Variants in SIPA1L3 observed in about 807,000 individuals in gnomAD.
The protein encoded by SIPA1L3 is signal-induced proliferation-associated 1-like protein 3.
In SIPA1L3, 59 loss-of-function variants were observed where a neutral mutation model predicts 150.1. That is an observed-to-expected ratio of 0.39 (90% CI 0.32 to 0.49). The LOEUF (loss-of-function observed/expected upper bound fraction) is 0.49, where lower values mean the gene tolerates loss of function less well. Ranked by LOEUF, SIPA1L3 falls within the 20% of genes least tolerant of loss-of-function variation. The probability of loss-of-function intolerance (pLI) is 0.86; values close to 1 mark genes in which losing one functional copy is unlikely to be tolerated. For missense variants in SIPA1L3, 2,211 were observed against 2,489.5 expected (o/e 0.89, Z 2.38); for synonymous variants, 1,070 against 1,077.6 (o/e 0.99, Z 0.14).
intron 2 of SIPA1L3, among the ~76,000 whole-genome samples, chr19:38,060,951 C>G (rs61672299): frequency 0.17 from 25,262 of 152,238 alleles, 2,576 homozygotes; most frequent in African/African-American, 0.27. Context: ...CTCAGCCTCC[C>G]AGAGTGCTGG....
At chr19:37,981,997 C>G (rs1157695142) in intron 1 of SIPA1L3, among the ~76,000 whole-genome samples, 24 of 152,228 alleles carry the variant, frequency 1.6e-4, no homozygotes, top group Non-Finnish European at 1.5e-5. Flanking sequence ...ATCAGAGAGG[C>G]TGGCTCCAGC....
intron 1 of SIPA1L3, among the ~76,000 whole-genome samples, chr19:37,976,219 G>A (rs562621914): frequency 3.3e-5 from 5 of 152,094 alleles, no homozygotes; most frequent in South Asian, 4.2e-4. Flanking sequence ...TGCCCACGGC[G>A]CCCCAGGGGA....
intron 7 of SIPA1L3, among the ~76,000 whole-genome samples, chr19:38,109,132 A>G (rs1052936487): frequency 2.6e-5 from 4 of 152,202 alleles, no homozygotes; most frequent in Admixed American, 2.6e-4. Flanking sequence ...CCATTTTCAC[A>G]CTGCTAATGA....
chr19:38,202,845 A>G (rs931876305), intron 20 of SIPA1L3, among the ~76,000 whole-genome samples: 1 of 152,170 alleles, frequency 6.6e-6, no homozygotes, highest in Non-Finnish European at 1.5e-5. Context: ...TCACGGGGGA[A>G]GGAAGAGGAC....
chr19:38,110,331 C>A lies in SIPA1L3; in HGVS notation c.2238C>A (p.His746Gln), dbSNP rs754538272. Residue 746 changes from histidine (H) to glutamine (Q), a missense_variant, in exon 8 of 22, where the codon CAC (histidine) becomes CAA (glutamine). His to Gln is a conservative substitution (Grantham distance 24). Around this residue, in one of 5 missense-constraint regions of SIPA1L3, gnomAD observed 625 missense variants for 804.2 expected, o/e 0.78. Transcript: ENST00000222345. ...TPKNIRSHFQ[H>Q]VFIIVRVHNP... Reference sequence around the variant, plus strand: ...AGAACATCCGCTCCCACTTCCAGCACGTCTTCATCATTGTCCGAGTCCACA... The same window carrying A: ...AGAACATCCGCTCCCACTTCCAGCAAGTCTTCATCATTGTCCGAGTCCACA... The A allele has an allele frequency of 6.2e-7, 1 of 1,614,128 alleles. No homozygotes were observed. The highest frequency in any genetic ancestry group is 1.1e-5 in the South Asian group (1 of 91,078).
chr19:38,055,393 GAT>G (rs1969293426), intron 2 of SIPA1L3, among the ~76,000 whole-genome samples: 1 of 152,158 alleles, frequency 6.6e-6, no homozygotes, highest in Admixed American at 6.5e-5. Flanking sequence ...TGCACCCCCT[GAT>G]ATGACATTTA....
intron 10 of SIPA1L3, among the ~76,000 whole-genome samples, chr19:38,132,780 T>C (rs1412311487): frequency 6.6e-6 from 1 of 151,424 alleles, no homozygotes; most frequent in East Asian, 2.0e-4. Context: ...CCTGAGTAGC[T>C]GGGATTACAG....
intron 8 of SIPA1L3, among the ~76,000 whole-genome samples, chr19:38,114,463 T>C (rs910896222): frequency 6.6e-6 from 1 of 150,506 alleles, no homozygotes; most frequent in Non-Finnish European, 1.5e-5. Context: ...GCTCTTCATC[T>C]CTGTAAAGTG....
intron 16 of SIPA1L3, among the ~76,000 whole-genome samples, chr19:38,188,650 C>T (rs926376928): frequency 5.3e-5 from 8 of 151,910 alleles, no homozygotes; most frequent in Middle Eastern, 3.4e-3. Context: ...CGGCCAGGCG[C>T]GGTGGCGCAT....
intron 2 of SIPA1L3, among the ~76,000 whole-genome samples, chr19:38,052,078 T>G (rs1969207130): frequency 6.6e-6 from 1 of 152,232 alleles, no homozygotes; most frequent in Non-Finnish European, 1.5e-5. Context: ...TCATTTCATT[T>G]GGGGAGCTTT....
intron 1 of SIPA1L3, among the ~76,000 whole-genome samples, chr19:37,951,753 C>T (rs907487912): frequency 5.3e-5 from 8 of 151,840 alleles, no homozygotes; most frequent in Admixed American, 2.6e-4. Context: ...AAAAATTAGC[C>T]GGGCATGGTG....
chr19:38,178,093 GTGT>G (rs1568594703), intron 15 of SIPA1L3, among the ~76,000 whole-genome samples: 4,630 of 61,190 alleles, frequency 0.076, 200 homozygotes, highest in African/African-American at 0.18. Context: ...TTTGGTGTGT[GTGT>G]GTGTGTGTGT....
At chr19:38,056,314 C>T (rs539418737) in intron 2 of SIPA1L3, among the ~76,000 whole-genome samples, 3 of 152,346 alleles carry the variant, frequency 2.0e-5, no homozygotes, top group East Asian at 3.9e-4. Flanking sequence ...GACAGCCAGT[C>T]GGGCCACTGC....
intron 14 of SIPA1L3, among the ~76,000 whole-genome samples, chr19:38,163,473 G>C (rs1043038443): frequency 2.9e-5 from 4 of 138,026 alleles, no homozygotes; most frequent in Non-Finnish European, 4.6e-5. Context: ...CTGAGCGACA[G>C]AGTGAGACTC....
intron 3 of SIPA1L3, among the ~76,000 whole-genome samples, chr19:38,083,426 GT>G (rs1205831746): frequency 4.6e-5 from 7 of 152,220 alleles, no homozygotes; most frequent in Admixed American, 4.6e-4. Context: ...TAAAACAAAT[GT>G]TCTGTCTTCC....
chr19:38,103,135 GAA>G lies in SIPA1L3; in HGVS notation c.2029+1922_2029+1923del, dbSNP rs11352510. Among the ~76,000 whole-genome samples, 28 of 140,120 alleles carry G rather than the reference GAA, an allele frequency of 2.0e-4. No individual in the cohort carries two copies. In the East Asian group the frequency reaches 2.9e-3, roughly 14 times the overall value. The allele number at this position is 140,120 out of a possible 152,430, so 91.9% of individuals were successfully genotyped here. On this transcript the variant is annotated intron_variant, in intron 6 of 21. Coordinates refer to ENST00000222345, the MANE Select transcript of SIPA1L3 (RefSeq NM_015073.3). Reference sequence around the variant, plus strand: ...AAGACTCCGTCTCAATCAATCAGTAGAAAAAAAAAAAAAACAAGGGAATACTG... The same window carrying G: ...AAGACTCCGTCTCAATCAATCAGTAGAAAAAAAAAAAACAAGGGAATACTG...
intron 10 of SIPA1L3, among the ~76,000 whole-genome samples, chr19:38,135,081 G>T (rs1971404515): frequency 6.6e-6 from 1 of 152,200 alleles, no homozygotes; most frequent in Non-Finnish European, 1.5e-5. Flanking sequence ...CAGCTAGTAA[G>T]CAGCAAAGCA....
Position 38,101,244 on chromosome 19 carries a change from T to C in SIPA1L3, c.2029+18T>C. On this transcript the variant is annotated intron_variant, in intron 6 of 21. Coordinates refer to ENST00000222345, the MANE Select transcript of SIPA1L3 (RefSeq NM_015073.3). ...CGTCAAGAGTAAGTAGGGGGCCGGT[T>C]AGATCACAGTGAGCCACCACTGCAC... The C allele has an allele frequency of 6.7e-7, 1 of 1,496,638 alleles. No homozygotes were observed. Among genetic ancestry groups the C allele is most frequent in the South Asian group, 1.3e-5 (1 of 76,908 alleles). The allele number at this position is 1,496,638 out of a possible 1,614,324, so 92.7% of individuals were successfully genotyped here. A position where few individuals can be genotyped will look rare whatever the true frequency, so the allele number is the denominator to read the frequency against.
intron 16 of SIPA1L3, among the ~76,000 whole-genome samples, chr19:38,188,977 C>A (rs568255954): frequency 8.1e-4 from 123 of 152,094 alleles, no homozygotes; most frequent in African/African-American, 2.9e-3. Flanking sequence ...CATCCTGCTC[C>A]CTCCCCAAAA....
Sources: allele counts gnomAD v4.1 joint callset (sites outside exome capture counted in the v4.1 genomes callset), GRCh38; gene constraint gnomAD v4.1.1; regional missense constraint gnomAD v4.1.1; transcripts MANE v1.5; gene names NCBI Gene and HGNC (gene_info 2026-07-23, HGNC 2026-07-21).